The following ZNG1E variants were observed in gnomAD, a reference collection of about 807,000 sequenced individuals.
ZNG1E encodes the protein zinc-regulated GTPase metalloprotein activator 1E.
the ZNG1E span, chr9:65,708,430 G>T: frequency 4.8e-6 from 1 of 208,662 alleles, no homozygotes. Context: ...GAAGATCAGG[G>T]TCCTAGAGTA....
the ZNG1E span, among the ~76,000 whole-genome samples, chr9:65,702,113 C>T: frequency 6.7e-6 from 1 of 149,644 alleles, no homozygotes; most frequent in Admixed American, 6.7e-5. Context: ...GAGGAATTAG[C>T]CATCAGACTA....
the ZNG1E span, among the ~76,000 whole-genome samples, chr9:65,662,111 T>G: frequency 6.6e-6 from 1 of 152,236 alleles, no homozygotes; most frequent in Non-Finnish European, 1.5e-5. Context: ...GTCATGTGCC[T>G]CCTGAAGTGA....
chr9:65,707,268 C>T, the ZNG1E span: 1 of 129,372 alleles, frequency 7.7e-6, no homozygotes, highest in East Asian at 2.1e-4. Flanking sequence ...CTTGGCCTCC[C>T]AAAGTGGAGC....
the ZNG1E span, among the ~76,000 whole-genome samples, chr9:65,662,006 A>T: frequency 6.6e-6 from 1 of 152,272 alleles, no homozygotes; most frequent in Non-Finnish European, 1.5e-5. Context: ...GTATCTCCCC[A>T]TCAGGTACTT....
the ZNG1E span, among the ~76,000 whole-genome samples, chr9:65,687,831 CTTCT>C: frequency 2.2e-5 from 3 of 136,564 alleles, no homozygotes; most frequent in African/African-American, 7.7e-5. Flanking sequence ...TGAGAGTTTT[CTTCT>C]TTATTTTTGA....
At chr9:65,657,916 C>T in the ZNG1E span, among the ~76,000 whole-genome samples, 2 of 152,388 alleles carry the variant, frequency 1.3e-5, no homozygotes, top group South Asian at 2.1e-4. Flanking sequence ...GCCTGACTAA[C>T]ATGGAGAAAC....
At chr9:65,684,829 T>C in the ZNG1E span, among the ~76,000 whole-genome samples, 1 of 152,198 alleles carries the variant, frequency 6.6e-6, no homozygotes, top group African/African-American at 2.4e-5. Flanking sequence ...TCCATATCAC[T>C]GCAGTAAACT....
chr9:65,663,675 T>G, the ZNG1E span, among the ~76,000 whole-genome samples: 1 of 151,830 alleles, frequency 6.6e-6, no homozygotes, highest in African/African-American at 2.4e-5. Flanking sequence ...ATATGTAGGA[T>G]AAATCCCTAT....
the ZNG1E span, among the ~76,000 whole-genome samples, chr9:65,667,060 A>G: frequency 1.3e-5 from 2 of 152,258 alleles, no homozygotes; most frequent in Non-Finnish European, 2.9e-5. Context: ...ACCTCAGGTG[A>G]TCCACCTGTC....
At chr9:65,728,470 G>C in the ZNG1E span, among the ~76,000 whole-genome samples, 2 of 148,718 alleles carry the variant, frequency 1.3e-5, no homozygotes, top group African/African-American at 2.6e-5. Flanking sequence ...AAAATTGATA[G>C]ACCGTTAGCA....
At chr9:65,696,000 A>G in the ZNG1E span, among the ~76,000 whole-genome samples, 12 of 148,110 alleles carry the variant, frequency 8.1e-5, no homozygotes, top group African/African-American at 3.0e-4. Flanking sequence ...CAAACTTTCC[A>G]TTTTGTTTTA....
chr9:65,685,217 G>T, the ZNG1E span, among the ~76,000 whole-genome samples: 3 of 152,264 alleles, frequency 2.0e-5, no homozygotes, highest in African/African-American at 4.8e-5. Flanking sequence ...CTGGTAGAGG[G>T]TCTTGTCACA....
chr9:65,684,820 C>G, the ZNG1E span, among the ~76,000 whole-genome samples: 2 of 152,190 alleles, frequency 1.3e-5, no homozygotes, highest in Admixed American at 6.6e-5. Context: ...GGGCTTAGTT[C>G]CATATCACTG....
chr9:65,682,827 C>CATAATAATACTT, the ZNG1E span: 1 of 496,562 alleles, frequency 2.0e-6, no homozygotes. Flanking sequence ...TGATGACATA[C>CATAATAATACTT]TGTTAGAGAC....
chr9:65,684,012 TTTAA>T, the ZNG1E span, among the ~76,000 whole-genome samples: 33 of 152,326 alleles, frequency 2.2e-4, no homozygotes, highest in African/African-American at 7.9e-4. Context: ...CTTTTGAGAG[TTTAA>T]TTAAACACGA....
At chr9:65,682,022 A>C in the ZNG1E span, 1 of 378,200 alleles carries the variant, frequency 2.6e-6, no homozygotes, top group East Asian at 6.9e-5. Flanking sequence ...AATGACTATC[A>C]AAAAAGAAAA....
the ZNG1E span, among the ~76,000 whole-genome samples, chr9:65,684,406 G>A: frequency 1.0e-3 from 147 of 147,262 alleles, 1 homozygote; most frequent in African/African-American, 3.5e-3. Flanking sequence ...GCGTTGTGGC[G>A]CACCCCATAA....
At chr9:65,671,645 G>A in the ZNG1E span, among the ~76,000 whole-genome samples, 1 of 152,190 alleles carries the variant, frequency 6.6e-6, no homozygotes, top group South Asian at 2.1e-4. Flanking sequence ...TAAGTAATCT[G>A]TTGTTACTTT....
chr9:65,666,270 C>T, the ZNG1E span, among the ~76,000 whole-genome samples: 1 of 150,350 alleles, frequency 6.7e-6, no homozygotes, highest in African/African-American at 2.4e-5. Context: ...GGGGGCAGGC[C>T]TTTCTCATGC....
Sources: gnomAD v4.1 joint callset for allele counts (sites outside exome capture counted in the v4.1 genomes callset) on GRCh38, gnomAD v4.1.1 for gene constraint, MANE v1.5 for transcripts, NCBI Gene and HGNC (gene_info 2026-07-23, HGNC 2026-07-21) for gene names.